L2HGDH: variants seen among roughly 807,000 people sequenced by gnomAD.
L2HGDH encodes L-2-hydroxyglutarate dehydrogenase.
A neutral mutation model predicts 51.5 loss-of-function variants in L2HGDH; 34 were observed. That is an observed-to-expected ratio of 0.66 (90% CI 0.50 to 0.88). The LOEUF (loss-of-function observed/expected upper bound fraction) is 0.88, where lower values mean the gene tolerates loss of function less well. Ranked by LOEUF, L2HGDH falls within the 40% of genes least tolerant of loss-of-function variation. The pLI is 0.00. For synonymous variants in L2HGDH, 198 were observed against 197.9 expected, an observed-to-expected ratio of 1.00 and a Z score of -0.01; for missense variants, 558 against 571.9, an observed-to-expected ratio of 0.98 and a Z score of 0.25.
chr14:50,267,308 A>G (rs1259362733), intron 8 of L2HGDH, among the ~76,000 whole-genome samples: 2 of 151,818 alleles, frequency 1.3e-5, no homozygotes, highest in South Asian at 2.1e-4. Context: ...TCAGCCTCCC[A>G]AGTAGCTGGG....
intron 8 of L2HGDH, among the ~76,000 whole-genome samples, chr14:50,266,088 G>A (rs554357267): frequency 1.9e-4 from 28 of 150,538 alleles, no homozygotes; most frequent in Non-Finnish European, 3.5e-4. Flanking sequence ...TGAGGCTGCA[G>A]TAACCAATGA....
chr14:50,257,360 G>A (rs928041683), intron 9 of L2HGDH, among the ~76,000 whole-genome samples: 4 of 148,358 alleles, frequency 2.7e-5, no homozygotes, highest in Non-Finnish European at 5.9e-5. Context: ...AGTCATCTGA[G>A]GTTTTTCCTT....
chr14:50,291,284 G>T (rs1029358857), intron 4 of L2HGDH, among the ~76,000 whole-genome samples: 9 of 151,402 alleles, frequency 5.9e-5, no homozygotes, highest in African/African-American at 2.2e-4. Flanking sequence ...GATGAATTTG[G>T]CCCACAGGAC....
chr14:50,287,128 T>G, intron 4 of L2HGDH: 1 of 930,266 alleles, frequency 1.1e-6, no homozygotes, highest in South Asian at 4.9e-5. Flanking sequence ...ATATGTGTAA[T>G]ACATATAATT....
chr14:50,269,277 G>C lies in L2HGDH; in HGVS notation c.792C>G (p.Asp264Glu). Residue 264 changes from aspartate to glutamate, a missense_variant, in exon 7 of 10, where the codon GAC becomes GAG. By Grantham distance (45) the Asp-to-Glu change is conservative. This residue lies in a region of L2HGDH where 321 missense variants were observed against 311.8 expected (regional missense o/e 1.03). Coordinates refer to ENST00000267436, the MANE Select transcript of L2HGDH (RefSeq NM_024884.3). ...TGCAGCCACTCAACTCTGAAATACGGTCTGAGTAAAGTCCTGCACATGTCA... is the reference window on the plus strand; with the variant it reads ...TGCAGCCACTCAACTCTGAAATACGCTCTGAGTAAAGTCCTGCACATGTCA... ...YVVTCAGLYS[D>E]RISELSGCTP... The C allele has an allele frequency of 1.9e-6, 3 of 1,613,928 alleles. No individual in the cohort carries two copies. The highest frequency in any genetic ancestry group is 2.5e-6 in the Non-Finnish European group (3 of 1,179,870).
chr14:50,269,343 A>T lies in L2HGDH; in HGVS notation c.739-13T>A. ...GAATTTCCTCTCCCTAGTGCAAAAT[A>T]AAAGAACAGTTATTTGTATAAAGTG... is the stretch of plus-strand genomic sequence containing the variant. On this transcript the variant is annotated splice_polypyrimidine_tract_variant and intron_variant, in intron 6 of 9. Coordinates refer to ENST00000267436, the MANE Select transcript of L2HGDH (RefSeq NM_024884.3). The T allele has an allele frequency of 6.2e-7, 1 of 1,613,182 alleles. No individual in the cohort carries two copies. Among genetic ancestry groups the T allele is most frequent in the South Asian group, 1.1e-5 (1 of 91,072 alleles).
intron 9 of L2HGDH, among the ~76,000 whole-genome samples, chr14:50,258,984 G>A (rs1368822426): frequency 6.7e-6 from 1 of 149,682 alleles, no homozygotes; most frequent in Non-Finnish European, 1.5e-5. Context: ...GGGACTACAG[G>A]CATATGCGCA....
intron 6 of L2HGDH, among the ~76,000 whole-genome samples, chr14:50,271,337 A>G (rs933028260): frequency 6.6e-6 from 1 of 152,240 alleles, no homozygotes; most frequent in Non-Finnish European, 1.5e-5. Context: ...TAATAATAGA[A>G]TTTATAAAAT....
intron 9 of L2HGDH, among the ~76,000 whole-genome samples, chr14:50,254,663 C>G (rs1888555858): frequency 1.3e-5 from 2 of 152,022 alleles, no homozygotes; most frequent in Admixed American, 1.3e-4. Flanking sequence ...ATTTTTCTTA[C>G]AAACAAAAAT....
chr14:50,275,350 A>T (rs894522802), intron 6 of L2HGDH, among the ~76,000 whole-genome samples: 2 of 152,170 alleles, frequency 1.3e-5, no homozygotes, highest in Admixed American at 1.3e-4. Context: ...AGAGCCACTG[A>T]TGTGGTCCCT....
chr14:50,301,554 G>A (rs1010446715), intron 3 of L2HGDH, among the ~76,000 whole-genome samples: 1 of 152,192 alleles, frequency 6.6e-6, no homozygotes, highest in African/African-American at 2.4e-5. Flanking sequence ...TGCTAAGTGA[G>A]AGAAGCCAGT....
intron 4 of L2HGDH, among the ~76,000 whole-genome samples, chr14:50,288,540 C>CCT (rs1191395948): frequency 2.0e-5 from 3 of 152,216 alleles, no homozygotes; most frequent in African/African-American, 7.2e-5. Context: ...AAGCGATTCT[C>CCT]CTGCCTCAGC....
intron 1 of L2HGDH, among the ~76,000 whole-genome samples, chr14:50,306,419 T>C (rs147902720): frequency 6.6e-6 from 1 of 152,320 alleles, no homozygotes; most frequent in African/African-American, 2.4e-5. Flanking sequence ...AGAGATATCT[T>C]TCATACTGTT....
chr14:50,285,905 T>C (rs150812915), intron 4 of L2HGDH, among the ~76,000 whole-genome samples: 88 of 152,320 alleles, frequency 5.8e-4, no homozygotes, highest in African/African-American at 2.0e-3. Flanking sequence ...AAGATGCTGG[T>C]GTGCCCCACC....
At chr14:50,264,072 C>G (rs1889199379) in intron 9 of L2HGDH, among the ~76,000 whole-genome samples, 1 of 150,778 alleles carries the variant, frequency 6.6e-6, no homozygotes, top group African/African-American at 2.4e-5. Flanking sequence ...CCGTGCCAGT[C>G]TTTTATCTTT....
intron 9 of L2HGDH, among the ~76,000 whole-genome samples, chr14:50,257,404 C>G (rs1469112796): frequency 6.7e-6 from 1 of 149,590 alleles, no homozygotes; most frequent in Non-Finnish European, 1.5e-5. Context: ...GGGTCTTGCT[C>G]TGTTGCCCAG....
At chr14:50,270,563 T>C (rs1373358919) in intron 6 of L2HGDH, among the ~76,000 whole-genome samples, 1 of 152,116 alleles carries the variant, frequency 6.6e-6, no homozygotes, top group African/African-American at 2.4e-5. Flanking sequence ...TGGAGTGCAG[T>C]GGCAGCGATC....
At position 50,287,382 on chromosome 14, in the gene L2HGDH, T is replaced by C. The variant is rs992596860; in HGVS notation, c.541-3349A>G. On this transcript the variant is annotated intron_variant, in intron 4 of 9. Transcript: ENST00000267436. ...GATAGACCAATTCTCCAAATTTCAG[T>C]ACCATTAGGATACCAGTAATCCTGT... 6 of 815,578 alleles carry C rather than the reference T, an allele frequency of 7.4e-6. No individual in the cohort carries two copies. The African/African-American group carries it at 1.1e-4, about 15-fold the overall frequency. The allele number at this position is 815,578 out of a possible 1,614,324, so 50.5% of individuals were successfully genotyped here.
chr14:50,298,575 A>T (rs2030217237), intron 3 of L2HGDH, among the ~76,000 whole-genome samples: 1 of 151,950 alleles, frequency 6.6e-6, no homozygotes, highest in Admixed American at 6.6e-5. Flanking sequence ...CAGCCTCCCA[A>T]AGTGCTGGGA....
Sources: gnomAD v4.1 joint callset for allele counts (sites outside exome capture counted in the v4.1 genomes callset) on GRCh38, gnomAD v4.1.1 for gene constraint, gnomAD v4.1.1 regional missense constraint, MANE v1.5 for transcripts, NCBI Gene and HGNC (gene_info 2026-07-23, HGNC 2026-07-21) for gene names.